The following UBE2E2 variants were observed in gnomAD, a reference collection of about 807,000 sequenced individuals.
UBE2E2 encodes the protein ubiquitin-conjugating enzyme E2 E2.
Under a neutral mutation model 24.7 loss-of-function variants are expected in UBE2E2, and 6 were observed. The ratio of observed to expected loss-of-function variants is 0.24; its 90% CI spans 0.13 to 0.48. The LOEUF is 0.48. Ranked by LOEUF, UBE2E2 falls within the 20% of genes least tolerant of loss-of-function variation. UBE2E2 has a pLI of 0.99. For synonymous variants in UBE2E2, 104 were observed against 83.6 expected (o/e 1.24, Z -1.33); for missense variants, 169 against 245.0 (o/e 0.69, Z 2.07).
chr3:23,352,671 A>C (rs1231327541), intron 3 of UBE2E2, among the ~76,000 whole-genome samples: 4 of 152,202 alleles, frequency 2.6e-5, no homozygotes, highest in Non-Finnish European at 5.9e-5. Flanking sequence ...ACACCCTCCC[A>C]AGACTAAACC....
At chr3:23,366,898 C>T (rs749799256) in intron 3 of UBE2E2, among the ~76,000 whole-genome samples, 1 of 152,056 alleles carries the variant, frequency 6.6e-6, no homozygotes, top group African/African-American at 2.4e-5. Flanking sequence ...AAACTATGTT[C>T]TAATTATAGA....
chr3:23,339,268 G>A (rs1396039901), intron 3 of UBE2E2, among the ~76,000 whole-genome samples: 1 of 152,088 alleles, frequency 6.6e-6, no homozygotes, highest in Non-Finnish European at 1.5e-5. Flanking sequence ...TATGAACTAA[G>A]CAACTGTGCC....
At chr3:23,309,933 G>C (rs908173014) in intron 3 of UBE2E2, among the ~76,000 whole-genome samples, 3 of 152,112 alleles carry the variant, frequency 2.0e-5, no homozygotes, top group Non-Finnish European at 4.4e-5. Flanking sequence ...AGATGGAGAG[G>C]AAGAGAAAAG....
At chr3:23,271,757 A>C (rs562826855) in intron 3 of UBE2E2, among the ~76,000 whole-genome samples, 14 of 152,180 alleles carry the variant, frequency 9.2e-5, no homozygotes, top group Non-Finnish European at 1.9e-4. Flanking sequence ...CTTGAGATAG[A>C]CACAGGGTGC....
intron 3 of UBE2E2, among the ~76,000 whole-genome samples, chr3:23,412,079 A>G (rs1697507817): frequency 1.3e-5 from 2 of 152,128 alleles, no homozygotes; most frequent in South Asian, 4.1e-4. Flanking sequence ...TGTGGACCCC[A>G]TATCTAGCCA....
In UBE2E2 at chr3:23,474,915, T is replaced by A. The variant is rs1414006350; in HGVS notation, c.228-24693T>A. 2.6e-5 allele frequency among the ~76,000 whole-genome samples: 4 copies of A among 152,074 alleles called. No individual in the cohort carries two copies. Among genetic ancestry groups the A allele is most frequent in the Non-Finnish European group, 5.9e-5 (4 of 68,044 alleles). ...AGAAACACATTGTCTCTCCTTTAATTTTTTTATTTCTTAACCCACAACCGA... is the reference window on the plus strand; with the variant it reads ...AGAAACACATTGTCTCTCCTTTAATATTTTTATTTCTTAACCCACAACCGA... On this transcript the variant is annotated intron_variant, in intron 3 of 5. Coordinates refer to ENST00000396703, the MANE Select transcript of UBE2E2 (RefSeq NM_152653.4). The surrounding 1 kb of genome is among the most constrained non-coding windows in gnomAD (Gnocchi z 4.0).
chr3:23,409,259 C>T (rs1697443418), intron 3 of UBE2E2, among the ~76,000 whole-genome samples: 1 of 152,176 alleles, frequency 6.6e-6, no homozygotes, highest in Admixed American at 6.5e-5. Flanking sequence ...GAGTGTTACA[C>T]AGTTAGCTCT....
intron 3 of UBE2E2, among the ~76,000 whole-genome samples, chr3:23,227,553 C>T (rs1696860651): frequency 6.6e-6 from 1 of 152,168 alleles, no homozygotes; most frequent in Admixed American, 6.5e-5. Flanking sequence ...GTATCCATCT[C>T]TTTTTCCTTT....
At chr3:23,393,343 T>G (rs1362008432) in intron 3 of UBE2E2, among the ~76,000 whole-genome samples, 4 of 152,124 alleles carry the variant, frequency 2.6e-5, no homozygotes, top group African/African-American at 9.7e-5. Flanking sequence ...AGTGAGGGAA[T>G]GTCCTAAGAA....
intron 3 of UBE2E2, among the ~76,000 whole-genome samples, chr3:23,240,355 CT>C (rs1428682206): frequency 1.3e-5 from 2 of 152,058 alleles, no homozygotes; most frequent in Non-Finnish European, 2.9e-5. Flanking sequence ...ATTTTTTTTC[CT>C]ATGTGGTAAA....
At chr3:23,456,595 A>G (rs1407031338) in intron 3 of UBE2E2, among the ~76,000 whole-genome samples, 28 of 152,244 alleles carry the variant, frequency 1.8e-4, no homozygotes, top group Admixed American at 1.8e-3. Flanking sequence ...GACCAGGTGC[A>G]TTGTCAGTGA....
chr3:23,250,136 A>G (rs1212488233), intron 3 of UBE2E2, among the ~76,000 whole-genome samples: 6 of 152,250 alleles, frequency 3.9e-5, no homozygotes, highest in Middle Eastern at 3.4e-3. Context: ...GACTGTTGTT[A>G]CCACAACCTT....
At chr3:23,269,653 A>G (rs1698177593) in intron 3 of UBE2E2, among the ~76,000 whole-genome samples, 1 of 152,202 alleles carries the variant, frequency 6.6e-6, no homozygotes, top group South Asian at 2.1e-4. Context: ...GGCACCAAAG[A>G]GCAGCTTTTA....
chr3:23,563,036 A>C (rs1559422944), intron 5 of UBE2E2, among the ~76,000 whole-genome samples: 1 of 151,942 alleles, frequency 6.6e-6, no homozygotes, highest in Non-Finnish European at 1.5e-5. Context: ...GGATTCATTG[A>C]TTTTTTGAAG....
At chr3:23,562,629 G>C (rs555941635) in intron 5 of UBE2E2, among the ~76,000 whole-genome samples, 1 of 152,300 alleles carries the variant, frequency 6.6e-6, no homozygotes, top group African/African-American at 2.4e-5. Context: ...GATTGGAATA[G>C]TTTCAGAAGG....
At chr3:23,322,683 T>TA in intron 3 of UBE2E2, among the ~76,000 whole-genome samples, 1 of 152,096 alleles carries the variant, frequency 6.6e-6, no homozygotes, top group East Asian at 1.9e-4. Flanking sequence ...TGTAACTTCG[T>TA]AAGCTTTACA....
intron 3 of UBE2E2, among the ~76,000 whole-genome samples, chr3:23,342,917 C>A (rs964691660): frequency 1.3e-5 from 2 of 151,790 alleles, no homozygotes; most frequent in Non-Finnish European, 2.9e-5. Flanking sequence ...TATTTTAGGA[C>A]AAATTTTGAA....
At chr3:23,489,066 T>C (rs1318784028) in intron 3 of UBE2E2, among the ~76,000 whole-genome samples, 1 of 152,172 alleles carries the variant, frequency 6.6e-6, no homozygotes, top group Non-Finnish European at 1.5e-5. Context: ...TTGGCAGATG[T>C]AGTGACAGGA....
intron 3 of UBE2E2, among the ~76,000 whole-genome samples, chr3:23,381,364 A>C (rs1696666670): frequency 6.6e-6 from 1 of 152,222 alleles, no homozygotes; most frequent in African/African-American, 2.4e-5. Flanking sequence ...ATAAATCTAT[A>C]ATTTTCACTG....
Sources: allele counts gnomAD v4.1 joint callset (sites outside exome capture counted in the v4.1 genomes callset), GRCh38; gene constraint gnomAD v4.1.1; non-coding constraint Gnocchi (gnomAD v3.1); transcripts MANE v1.5; gene names NCBI Gene and HGNC (gene_info 2026-07-23, HGNC 2026-07-21).